SOX5: variants seen among roughly 807,000 people sequenced by gnomAD.
SOX5 encodes SRY-box transcription factor 5.
Under a neutral mutation model 92.0 loss-of-function variants are expected in SOX5, and 9 were observed. The observed-to-expected ratio is 0.10, with a 90% CI of 0.06 to 0.17. The LOEUF is 0.17. Ranked by LOEUF, SOX5 falls within the 10% of genes least tolerant of loss-of-function variation. The pLI is 1.00. For missense variants in SOX5, 642 were observed against 944.5 expected (o/e 0.68, Z 4.20); for synonymous variants, 344 against 336.3 (o/e 1.02, Z -0.25).
At chr12:24,341,816 A>T (rs480391) in intron 2 of SOX5, among the ~76,000 whole-genome samples, 3 of 151,980 alleles carry the variant, frequency 2.0e-5, no homozygotes, top group East Asian at 3.9e-4. Context: ...AGCCTCCCTG[A>T]GAGGGTAGCT....
chr12:23,920,912 T>A (rs760340933), intron 1 of SOX5, among the ~76,000 whole-genome samples: 1 of 152,196 alleles, frequency 6.6e-6, no homozygotes, highest in Admixed American at 6.5e-5. Context: ...GCATATAAAA[T>A]TTTTAATGGA....
chr12:24,020,327 C>A (rs2136670771), intron 4 of SOX5, among the ~76,000 whole-genome samples: 1 of 152,260 alleles, frequency 6.6e-6, no homozygotes, highest in Admixed American at 6.5e-5. Context: ...TAACACAAAC[C>A]TGGGTTTCTC....
intron 2 of SOX5, among the ~76,000 whole-genome samples, chr12:24,343,114 A>T (rs934681331): frequency 2.0e-5 from 3 of 152,206 alleles, no homozygotes; most frequent in Non-Finnish European, 4.4e-5. Flanking sequence ...TGCATTATGG[A>T]TCTAAAGTAT....
intron 2 of SOX5, among the ~76,000 whole-genome samples, chr12:24,284,895 C>G (rs181624399): frequency 6.6e-6 from 1 of 152,180 alleles, no homozygotes; most frequent in Non-Finnish European, 1.5e-5. Context: ...GACGCTCAGT[C>G]GGGTGGATCA....
chr12:24,203,591 GC>G (rs1407559315), intron 4 of SOX5, among the ~76,000 whole-genome samples: 1 of 152,036 alleles, frequency 6.6e-6, no homozygotes, highest in Non-Finnish European at 1.5e-5. Flanking sequence ...CTTCATTCTA[GC>G]CCTCTTCCTT....
At chr12:24,240,116 A>T (rs1380631726) in intron 3 of SOX5, among the ~76,000 whole-genome samples, 1 of 152,206 alleles carries the variant, frequency 6.6e-6, no homozygotes, top group Non-Finnish European at 1.5e-5. Flanking sequence ...AAAAACTACA[A>T]GTAGTGGTTG....
chr12:24,144,913 G>T (rs762797702), intron 4 of SOX5, among the ~76,000 whole-genome samples: 1 of 151,946 alleles, frequency 6.6e-6, no homozygotes, highest in Non-Finnish European at 1.5e-5. Flanking sequence ...TATGGGAAAT[G>T]GTATCATATC....
chr12:23,785,213 A>G (rs1383242017), intron 3 of SOX5, among the ~76,000 whole-genome samples: 2 of 152,236 alleles, frequency 1.3e-5, no homozygotes, highest in East Asian at 3.8e-4. Flanking sequence ...AGTAAATTTT[A>G]TAAGAGGTGA....
chr12:24,106,424 C>A (rs937594449), intron 4 of SOX5, among the ~76,000 whole-genome samples: 1 of 151,990 alleles, frequency 6.6e-6, no homozygotes, highest in African/African-American at 2.4e-5. Context: ...AATGAAGCAA[C>A]GGGAAACGTA....
intron 9 of SOX5, among the ~76,000 whole-genome samples, chr12:23,592,480 T>C (rs1951708874): frequency 1.3e-5 from 2 of 152,194 alleles, no homozygotes; most frequent in African/African-American, 4.8e-5. Flanking sequence ...TGTGTAATTC[T>C]AAGAAGCATC....
intron 2 of SOX5, among the ~76,000 whole-genome samples, chr12:23,885,724 AG>A (rs1331759110): frequency 6.6e-6 from 1 of 152,214 alleles, no homozygotes; most frequent in Non-Finnish European, 1.5e-5. Context: ...TTGCACACAA[AG>A]GAGATATGTA....
chr12:24,462,603 A>C (rs972643305), intron 1 of SOX5, among the ~76,000 whole-genome samples: 4 of 152,300 alleles, frequency 2.6e-5, no homozygotes, highest in African/African-American at 9.6e-5. Context: ...ATCCCTAGTA[A>C]AAACTAATCT....
At position 23,530,983 on chromosome 12, in the gene SOX5, A is replaced by T. The variant is rs1022541557; in HGVS notation, c.*3236T>A. ...CTTTTTTGGTCATTATGGGGCACAGAAAAAGAATACAGGGTTTTAGGATCC... is the reference window on the plus strand; with the variant it reads ...CTTTTTTGGTCATTATGGGGCACAGTAAAAGAATACAGGGTTTTAGGATCC... On this transcript the variant is annotated 3_prime_UTR_variant, in exon 15 of 15. Transcript: ENST00000451604. 1 of 152,144 alleles carries T rather than the reference A, an allele frequency of 6.6e-6. No homozygotes were observed. Among genetic ancestry groups the T allele is most frequent in the Non-Finnish European group, 1.5e-5 (1 of 68,018 alleles). 9.4% of individuals were successfully genotyped at this position (152,144 alleles called of 1,614,324 possible). A position where few individuals can be genotyped will look rare whatever the true frequency, so the allele number is the denominator to read the frequency against.
At chr12:24,148,578 G>A (rs926504533) in intron 4 of SOX5, among the ~76,000 whole-genome samples, 1 of 150,142 alleles carries the variant, frequency 6.7e-6, no homozygotes, top group Admixed American at 6.6e-5. Flanking sequence ...GGCTGGGTGT[G>A]GTGTCTCACA....
At chr12:23,647,194 T>C (rs953097303) in intron 7 of SOX5, among the ~76,000 whole-genome samples, 1 of 152,186 alleles carries the variant, frequency 6.6e-6, no homozygotes, top group African/African-American at 2.4e-5. Context: ...TACACCACCA[T>C]CAGAGTTCTT....
At chr12:24,033,031 C>T (rs913538201) in intron 4 of SOX5, among the ~76,000 whole-genome samples, 1 of 151,700 alleles carries the variant, frequency 6.6e-6, no homozygotes, top group Non-Finnish European at 1.5e-5. Context: ...TGTATAAGCA[C>T]GTTTGTGAGG....
chr12:24,231,030 C>T (rs549418529), intron 3 of SOX5, among the ~76,000 whole-genome samples: 2 of 152,180 alleles, frequency 1.3e-5, no homozygotes, highest in Admixed American at 1.3e-4. Context: ...AGGAAATTTC[C>T]GTTATCTAAA....
intron 3 of SOX5, among the ~76,000 whole-genome samples, chr12:23,792,664 T>TAAAAAAAAAAAAAA (rs2095497557): frequency 1.2e-5 from 1 of 86,176 alleles, no homozygotes; most frequent in Non-Finnish European, 2.1e-5. Context: ...AAAAAAAAAC[T>TAAAAAAAAAAAAAA]TGGACAAAGC....
chr12:24,123,374 T>A (rs1948809726), intron 4 of SOX5, among the ~76,000 whole-genome samples: 1 of 152,218 alleles, frequency 6.6e-6, no homozygotes, highest in South Asian at 2.1e-4. Flanking sequence ...TCTTCTTTTT[T>A]AAATTCCCTG....
Sources: gnomAD v4.1 joint callset for allele counts (sites outside exome capture counted in the v4.1 genomes callset) on GRCh38, gnomAD v4.1.1 for gene constraint, MANE v1.5 for transcripts, NCBI Gene and HGNC (gene_info 2026-07-23, HGNC 2026-07-21) for gene names.